Variants in ITGB5 observed in about 807,000 individuals in gnomAD.
ITGB5 encodes the protein integrin beta-5.
In ITGB5, 38 loss-of-function variants were observed where a neutral mutation model predicts 84.8. That is an observed-to-expected ratio of 0.45 (90% confidence interval 0.35 to 0.59). The LOEUF (loss-of-function observed/expected upper bound fraction) is 0.59. Among genes scored for constraint, ITGB5 ranks in the 20% least tolerant of loss-of-function variants. The pLI, the probability that ITGB5 is intolerant of heterozygous loss-of-function variation, is 0.01. For synonymous variants in ITGB5, 393 were observed against 414.4 expected, an observed-to-expected ratio of 0.95 and a Z score of 0.63; for missense variants, 905 against 1,034.5, an observed-to-expected ratio of 0.87 and a Z score of 1.72.
chr3:124,805,605 C>A lies in ITGB5; in HGVS notation c.1263+3417G>T, dbSNP rs1024146009. On this transcript the variant is annotated intron_variant, in intron 9 of 14. Coordinates refer to ENST00000296181, the MANE Select transcript of ITGB5 (RefSeq NM_002213.5). The stretch of plus-strand genomic sequence containing the variant: ...CAGCTGGGACCACAGGTGTGCGCTA[C>A]CATGCCCGGCTAATTTTTTATTTTC... Among the ~76,000 whole-genome samples, 10 of 152,278 alleles carry A rather than the reference C, an allele frequency of 6.6e-5. No individual in the cohort carries two copies. The South Asian group carries it at 1.9e-3, about 28-fold the overall frequency.
At chr3:124,856,174 C>G (rs887401313) in intron 3 of ITGB5, among the ~76,000 whole-genome samples, 1 of 152,196 alleles carries the variant, frequency 6.6e-6, no homozygotes, top group Non-Finnish European at 1.5e-5. Context: ...GCATAAGCCA[C>G]CACACCCGGC....
intron 11 of ITGB5, among the ~76,000 whole-genome samples, chr3:124,772,261 C>A (rs915096908): frequency 6.6e-6 from 1 of 152,156 alleles, no homozygotes; most frequent in Non-Finnish European, 1.5e-5. Flanking sequence ...TCCTTACTCT[C>A]CCCCATCTCC....
At chr3:124,805,009 TCTTC>T (rs1330653538) in intron 9 of ITGB5, among the ~76,000 whole-genome samples, 3 of 151,512 alleles carry the variant, frequency 2.0e-5, no homozygotes, top group East Asian at 1.9e-4. Context: ...TTTTCTTTCT[TCTTC>T]CTTCCTTCCT....
chr3:124,774,252 G>C (rs2063890573), intron 10 of ITGB5, among the ~76,000 whole-genome samples: 1 of 152,178 alleles, frequency 6.6e-6, no homozygotes, highest in East Asian at 1.9e-4. Flanking sequence ...CCAATCCCCA[G>C]AGTATCACTG....
rs1241607851 is a variant in ITGB5 at position 124,763,646 on chromosome 3, AT to A, written c.2376del (p.Lys792AsnfsTer40). 6.3e-7 allele frequency: 1 copy of A among 1,598,904 alleles called. No individual in the cohort carries two copies. Among genetic ancestry groups the A allele is most frequent in the East Asian group, 2.2e-5 (1 of 44,780 alleles). ...TVDFTFNKFN[K>X]SYNGTVD ...CATCAGTCCACAGTGCCATTGTAGG[AT>A]TTGTTGAACTTGTTGAAGGTGAAGT... is the stretch of plus-strand genomic sequence containing the variant. On this transcript the variant is annotated frameshift_variant, in exon 15 of 15. Coordinates refer to ENST00000296181, the MANE Select transcript of ITGB5 (RefSeq NM_002213.5). LOFTEE classifies it high-confidence loss of function.
At chr3:124,849,379 A>G (rs3772848) in intron 3 of ITGB5, among the ~76,000 whole-genome samples, 17,528 of 152,216 alleles carry the variant, frequency 0.12, 1,125 homozygotes, top group South Asian at 0.17. Flanking sequence ...AGGGCAGAGA[A>G]ACAAAGATCG....
intron 10 of ITGB5, among the ~76,000 whole-genome samples, chr3:124,784,961 C>A (rs1267295504): frequency 6.6e-6 from 1 of 152,216 alleles, no homozygotes. Flanking sequence ...TAGCTGCCTT[C>A]TCAAAGGACG....
chr3:124,836,526 T>C (rs1175613806), intron 5 of ITGB5, among the ~76,000 whole-genome samples: 1 of 152,204 alleles, frequency 6.6e-6, no homozygotes, highest in Non-Finnish European at 1.5e-5. Context: ...TTATTGTTAC[T>C]TCCCAGAGCA....
intron 11 of ITGB5, among the ~76,000 whole-genome samples, chr3:124,772,911 CTTT>C (rs35802279): frequency 1.0e-3 from 128 of 127,296 alleles, no homozygotes; most frequent in Admixed American, 3.7e-3. Flanking sequence ...CTCCAATTTA[CTTT>C]TTTTTTTTTT....
chr3:124,776,303 G>A (rs766548539), intron 10 of ITGB5, among the ~76,000 whole-genome samples: 1 of 152,176 alleles, frequency 6.6e-6, no homozygotes, highest in Non-Finnish European at 1.5e-5. Flanking sequence ...TCCCCACGGG[G>A]AGCCTTCACA....
chr3:124,864,096 CTTTT>C (rs558311822), intron 2 of ITGB5, among the ~76,000 whole-genome samples: 22 of 45,502 alleles, frequency 4.8e-4, no homozygotes, highest in African/African-American at 1.3e-3. Context: ...ACCTATATTT[CTTTT>C]TTTTTTTTTT....
chr3:124,869,423 A>G (rs1447315460), intron 2 of ITGB5, among the ~76,000 whole-genome samples: 1 of 152,104 alleles, frequency 6.6e-6, no homozygotes, highest in African/African-American at 2.4e-5. Flanking sequence ...TAAAAATACA[A>G]AAATTAGCCA....
At chr3:124,796,280 T>G in intron 10 of ITGB5, 108 bp downstream of exon 10, 1 of 1,016,472 alleles carries the variant, frequency 9.8e-7, no homozygotes, top group Non-Finnish European at 1.5e-6. Context: ...AGGAGAGCCA[T>G]GGTAGTGACA....
chr3:124,890,821 G>A, upstream of ITGB5, among the ~76,000 whole-genome samples: 1 of 152,096 alleles, frequency 6.6e-6, no homozygotes, highest in East Asian at 1.9e-4. Flanking sequence ...AGATGCCTTT[G>A]CTCTGAGCTT....
At chr3:124,803,545 G>A (rs1325054215) in intron 9 of ITGB5, among the ~76,000 whole-genome samples, 2 of 152,230 alleles carry the variant, frequency 1.3e-5, no homozygotes, top group Non-Finnish European at 2.9e-5. Context: ...GGGAGGCAGT[G>A]ATGAGCGAGA....
chr3:124,766,104 T>A, intron 13 of ITGB5, 122 bp downstream of exon 13: 9 of 823,494 alleles, frequency 1.1e-5, no homozygotes, highest in South Asian at 1.9e-5. Flanking sequence ...ATCCCTCCTC[T>A]CCCTGCAGTT....
At chr3:124,880,837 G>A (rs1051658355) in intron 1 of ITGB5, among the ~76,000 whole-genome samples, 2 of 151,944 alleles carry the variant, frequency 1.3e-5, no homozygotes, top group Non-Finnish European at 2.9e-5. Context: ...GCTGAGGCAT[G>A]AGAATGGCTT....
At chr3:124,843,046 G>C (rs924954292) in intron 4 of ITGB5, among the ~76,000 whole-genome samples, 1 of 152,176 alleles carries the variant, frequency 6.6e-6, no homozygotes, top group African/African-American at 2.4e-5. Context: ...GCTTTCCTTT[G>C]TGTTTCTCCC....
intron 1 of ITGB5, among the ~76,000 whole-genome samples, chr3:124,874,009 T>C (rs1361934315): frequency 2.0e-5 from 3 of 151,866 alleles, no homozygotes; most frequent in Non-Finnish European, 4.4e-5. Context: ...GAATACAATG[T>C]TGAATTAAGA....
Sources: allele counts gnomAD v4.1 joint callset (sites outside exome capture counted in the v4.1 genomes callset), GRCh38; gene constraint gnomAD v4.1.1; transcripts MANE v1.5; gene names NCBI Gene and HGNC (gene_info 2026-07-23, HGNC 2026-07-21).